Variants in GPM6B observed in about 807,000 individuals in gnomAD.
GPM6B encodes glycoprotein M6B, also known as neuronal membrane glycoprotein M6-b.
Under a neutral mutation model 27.2 loss-of-function variants are expected in GPM6B, and 4 were observed. The observed-to-expected ratio is 0.15, with a 90% CI of 0.07 to 0.34. GPM6B has a LOEUF of 0.34. GPM6B is among the 10% of genes least tolerant of loss of function. GPM6B has a pLI of 1.00. For synonymous variants in GPM6B, 124 were observed against 103.1 expected, an observed-to-expected ratio of 1.20 and a Z score of -1.23; for missense variants, 183 against 261.9, an observed-to-expected ratio of 0.70 and a Z score of 2.08.
intron 1 of GPM6B, among the ~76,000 whole-genome samples, chrX:13,906,658 A>G (rs1378148810): frequency 2.7e-5 from 3 of 112,363 alleles, no homozygotes; most frequent in Non-Finnish European, 5.6e-5. Flanking sequence ...CATAGAGCAA[A>G]TATAGGATTT....
At chrX:13,934,620 G>C (rs1921738048) in intron 1 of GPM6B, among the ~76,000 whole-genome samples, 1 of 111,868 alleles carries the variant, frequency 8.9e-6, no homozygotes, top group South Asian at 3.7e-4. Context: ...CCCAACTACA[G>C]GTGACACTTC....
At chrX:13,860,985 T>A (rs776241832) in intron 1 of GPM6B, among the ~76,000 whole-genome samples, 211 of 107,242 alleles carry the variant, frequency 2.0e-3, no homozygotes, top group African/African-American at 6.9e-3. Flanking sequence ...TGGCTGAGTA[T>A]TCCACAGAAT....
At chrX:13,908,933 C>G (rs1467087626) in intron 1 of GPM6B, among the ~76,000 whole-genome samples, 1 of 111,254 alleles carries the variant, frequency 9.0e-6, no homozygotes, top group Non-Finnish European at 1.9e-5. Context: ...GGAAAATGAA[C>G]AAAAAAATAT....
At chrX:13,880,612 C>T (rs2050085613) in intron 1 of GPM6B, among the ~76,000 whole-genome samples, 1 of 96,205 alleles carries the variant, frequency 1.0e-5, no homozygotes, top group Admixed American at 1.3e-4. Flanking sequence ...GGAGGCAGAG[C>T]TTGCAGTGAG....
At chrX:13,926,863 T>G (rs1215365414) in intron 1 of GPM6B, among the ~76,000 whole-genome samples, 1 of 111,185 alleles carries the variant, frequency 9.0e-6, no homozygotes, top group Non-Finnish European at 1.9e-5. Flanking sequence ...AGAAACAATT[T>G]TAAAACAAGG....
At chrX:13,782,775 A>AG (rs1555911105) in intron 4 of GPM6B, among the ~76,000 whole-genome samples, 455 of 24,393 alleles carry the variant, frequency 0.019, 2 homozygotes, top group African/African-American at 0.074. Flanking sequence ...AAAAAAAAAG[A>AG]AAAAAAAAAA....
chrX:13,874,733 A>G (rs1009468596), intron 1 of GPM6B, among the ~76,000 whole-genome samples: 2 of 110,248 alleles, frequency 1.8e-5, no homozygotes, highest in African/African-American at 6.6e-5. Flanking sequence ...ACAAAAGACA[A>G]AAACAAAAAC....
At chrX:13,780,226 G>T (rs2048490935) in intron 4 of GPM6B, among the ~76,000 whole-genome samples, 1 of 111,263 alleles carries the variant, frequency 9.0e-6, no homozygotes, top group African/African-American at 3.3e-5. Flanking sequence ...GCAATGTCAG[G>T]GCCTTTCGGG....
At chrX:13,784,791 T>G (rs1251395108) in intron 3 of GPM6B, among the ~76,000 whole-genome samples, 2 of 111,891 alleles carry the variant, frequency 1.8e-5, no homozygotes, top group Non-Finnish European at 3.8e-5. Flanking sequence ...TGGACCTTCC[T>G]CTCTTCTGCA....
At chrX:13,860,127 C>A (rs73197729) in intron 1 of GPM6B, among the ~76,000 whole-genome samples, 1 of 112,319 alleles carries the variant, frequency 8.9e-6, no homozygotes, top group Non-Finnish European at 1.9e-5. Context: ...GAAAGAAAAA[C>A]TATCAGTTGG....
intron 1 of GPM6B, among the ~76,000 whole-genome samples, chrX:13,917,581 A>C (rs1037383478): frequency 6.2e-5 from 7 of 112,327 alleles, no homozygotes; most frequent in Non-Finnish European, 1.1e-4. Context: ...GTAGGTAATA[A>C]ATTTATAGAC....
At chrX:13,823,724 T>G (rs1403858153) in intron 1 of GPM6B, among the ~76,000 whole-genome samples, 1 of 111,660 alleles carries the variant, frequency 9.0e-6, no homozygotes, top group Non-Finnish European at 1.9e-5. Flanking sequence ...TTTGCCATGT[T>G]GGCCAGGCTG....
chrX:13,915,643 A>G (rs1173333710), intron 1 of GPM6B, among the ~76,000 whole-genome samples: 1 of 112,756 alleles, frequency 8.9e-6, no homozygotes, highest in Non-Finnish European at 1.9e-5. Flanking sequence ...TTCAGGTGAA[A>G]CAGGACTTAC....
chrX:13,812,707 T>C (rs964887838), intron 1 of GPM6B, among the ~76,000 whole-genome samples: 9 of 111,353 alleles, frequency 8.1e-5, no homozygotes, highest in Admixed American at 1.9e-4. Context: ...AGAAATGTGA[T>C]CTTGAAAATC....
intron 1 of GPM6B, among the ~76,000 whole-genome samples, chrX:13,810,590 C>T (rs1484382952): frequency 4.5e-5 from 5 of 110,655 alleles, no homozygotes; most frequent in Non-Finnish European, 3.8e-5. Flanking sequence ...GCTCTGTGCT[C>T]ATCTCCTCAT....
intron 2 of GPM6B, among the ~76,000 whole-genome samples, chrX:13,804,425 G>C (rs1350190874): frequency 3.9e-5 from 3 of 77,595 alleles, no homozygotes; most frequent in African/African-American, 1.5e-4. Context: ...GGCGGGGGGG[G>C]CGGGGGGCGG....
intron 1 of GPM6B, among the ~76,000 whole-genome samples, chrX:13,842,917 AAACACCTT>A (rs2049596183): frequency 9.0e-6 from 1 of 110,865 alleles, no homozygotes; most frequent in African/African-American, 3.4e-5. Context: ...TTTTTTTAAC[AAACACCTT>A]TATTATCATT....
At chrX:13,837,387 C>T (rs1569247163) in intron 1 of GPM6B, among the ~76,000 whole-genome samples, 2 of 111,589 alleles carry the variant, frequency 1.8e-5, no homozygotes, top group East Asian at 5.7e-4. Flanking sequence ...CCGAGGGGGC[C>T]GCTGAGTCAC....
At chrX:13,799,190 A>ATTTTTTTTTTTTTTT (rs763194245) in intron 2 of GPM6B, among the ~76,000 whole-genome samples, 1 of 35,957 alleles carries the variant, frequency 2.8e-5, no homozygotes, top group Non-Finnish European at 4.7e-5. Context: ...AGCCAACCTA[A>ATTTTTTTTTTTTTTT]TTTTTTTTTT....
Sources: allele counts gnomAD v4.1 joint callset (sites outside exome capture counted in the v4.1 genomes callset), GRCh38; gene constraint gnomAD v4.1.1; transcripts MANE v1.5; gene names NCBI Gene and HGNC (gene_info 2026-07-23, HGNC 2026-07-21).